Variants in COL6A6 observed in about 807,000 individuals in gnomAD.
COL6A6 encodes collagen type VI alpha 6 chain.
COL6A6 carries 183 observed loss-of-function variants against 208.6 expected under a neutral mutation model. That is an observed-to-expected ratio of 0.88 (90% CI 0.78 to 0.99). The LOEUF is 0.99. COL6A6 is among the 50% of genes least tolerant of loss of function. COL6A6 has a pLI of 0.00. For synonymous variants in COL6A6, 973 were observed against 1,011.8 expected (o/e 0.96, Z 0.73); for missense variants, 2,816 against 2,815.2 (o/e 1.00, Z -0.01).
chr3:130,549,801 A>G (rs190607473), intron 1 of COL6A6, among the ~76,000 whole-genome samples: 1 of 152,104 alleles, frequency 6.6e-6, no homozygotes, highest in Non-Finnish European at 1.5e-5. Context: ...GCCTTGTAGT[A>G]TAGTTTGAAG....
intron 17 of COL6A6, among the ~76,000 whole-genome samples, chr3:130,593,489 C>T (rs1241513055): frequency 6.6e-6 from 1 of 152,076 alleles, no homozygotes; most frequent in African/African-American, 2.4e-5. Context: ...TGTCACTTAC[C>T]CTCCTGGGAC....
At chr3:130,641,568 G>A in intron 28 of COL6A6, 84 bp from the exon 29 acceptor site, 1 of 628,484 alleles carries the variant, frequency 1.6e-6, no homozygotes, top group Non-Finnish European at 2.5e-6. Context: ...TTTCACCTTT[G>A]AATTTTAATT....
At chr3:130,618,854 G>A (rs564720396) in intron 23 of COL6A6, among the ~76,000 whole-genome samples, 1 of 152,112 alleles carries the variant, frequency 6.6e-6, no homozygotes, top group Non-Finnish European at 1.5e-5. Context: ...GTGTGTTTGA[G>A]GTAACTACAC....
intron 11 of COL6A6, among the ~76,000 whole-genome samples, chr3:130,588,443 TTAA>T (rs1324578169): frequency 6.6e-6 from 1 of 152,248 alleles, no homozygotes; most frequent in Non-Finnish European, 1.5e-5. Flanking sequence ...ATGACATTTA[TTAA>T]TGTTTTAAAA....
chr3:130,569,066 G>A (rs567397913), intron 6 of COL6A6, among the ~76,000 whole-genome samples: 1 of 152,280 alleles, frequency 6.6e-6, no homozygotes, highest in South Asian at 2.1e-4. Flanking sequence ...CTACCTTGAG[G>A]CGAGGGGCTC....
chr3:130,612,676 T>C (rs994737361), intron 23 of COL6A6, among the ~76,000 whole-genome samples: 1 of 152,102 alleles, frequency 6.6e-6, no homozygotes, highest in African/African-American at 2.4e-5. Context: ...GGGATGCCGC[T>C]GGATTAAAAA....
At position 130,635,897 on chromosome 3, in the gene COL6A6, G is replaced by C. The variant is rs954134298; in HGVS notation, c.5091+136G>C. 2.3e-5 allele frequency: 15 copies of C among 643,600 alleles called. No homozygotes were observed. The African/African-American group carries it at 2.7e-4, about 12-fold the overall frequency. 39.9% of individuals were successfully genotyped at this position (643,600 alleles called of 1,614,324 possible). ...ATGTGTTTTCTATTAAGGCAAACTT[G>C]GGGAAGGGGAATGGATAGTCATCTC... On this transcript the variant is annotated intron_variant, in intron 28 of 36. Transcript: ENST00000358511.
Position 130,574,524 on chromosome 3 carries a change from CAGTA to C in COL6A6, c.3547+4_3547+7del. On this transcript the variant is annotated splice_donor_variant and splice_donor_region_variant and coding_sequence_variant and intron_variant, in exon 8 of 37. Transcript: ENST00000358511. LOFTEE classifies it high-confidence loss of function. ...ACATCTGTACCACAGCGGGTGAAAG[CAGTA>C]AGTATTTAGCAAGTTCTTCATTCGA... The C allele has an allele frequency of 1.2e-6, 2 of 1,611,774 alleles. No individual in the cohort carries two copies. Among genetic ancestry groups the C allele is most frequent in the Non-Finnish European group, 1.7e-6 (2 of 1,178,308 alleles).
At chr3:130,586,829 ATACAG>A (rs1414300520) in intron 11 of COL6A6, among the ~76,000 whole-genome samples, 169 bp downstream of exon 11, 33 of 152,340 alleles carry the variant, frequency 2.2e-4, no homozygotes, top group African/African-American at 7.7e-4. Flanking sequence ...AAGAAATGTA[ATACAG>A]TAAAGAGATG....
chr3:130,587,379 A>G (rs968922240), intron 11 of COL6A6, among the ~76,000 whole-genome samples: 1 of 152,216 alleles, frequency 6.6e-6, no homozygotes, highest in African/African-American at 2.4e-5. Flanking sequence ...TCCCTGCCTC[A>G]GCCTCCCGAG....
intron 1 of COL6A6, among the ~76,000 whole-genome samples, chr3:130,525,062 A>G (rs1260020101): frequency 6.6e-6 from 1 of 152,200 alleles, no homozygotes; most frequent in African/African-American, 2.4e-5. Flanking sequence ...ACAACAACCC[A>G]TTATCCTGCT....
At chr3:130,569,754 G>A (rs1035471967) in intron 6 of COL6A6, among the ~76,000 whole-genome samples, 6 of 152,296 alleles carry the variant, frequency 3.9e-5, no homozygotes, top group South Asian at 4.1e-4. Context: ...CAAAGACCAC[G>A]GGGACATAGT....
intron 1 of COL6A6, among the ~76,000 whole-genome samples, chr3:130,522,685 C>T (rs941168823): frequency 6.6e-6 from 1 of 152,114 alleles, no homozygotes; most frequent in African/African-American, 2.4e-5. Flanking sequence ...CCCAAACCCT[C>T]CCCTCTTCCT....
At chr3:130,627,040 TTTG>T (rs930715396) in intron 25 of COL6A6, among the ~76,000 whole-genome samples, 1 of 152,190 alleles carries the variant, frequency 6.6e-6, no homozygotes, top group Non-Finnish European at 1.5e-5. Flanking sequence ...TGCCTGATTT[TTTG>T]TTCATTTAAT....
intron 7 of COL6A6, among the ~76,000 whole-genome samples, chr3:130,572,358 A>G (rs1367205097): frequency 6.6e-6 from 1 of 152,214 alleles, no homozygotes; most frequent in Non-Finnish European, 1.5e-5. Flanking sequence ...ATTGTTCTCT[A>G]CTTAGTTTCC....
At chr3:130,625,159 G>T (rs1416907195) in intron 24 of COL6A6, among the ~76,000 whole-genome samples, 1 of 152,142 alleles carries the variant, frequency 6.6e-6, no homozygotes, top group African/African-American at 2.4e-5. Flanking sequence ...GGTCCCCACA[G>T]CACACTTTGA....
chr3:130,546,437 G>A (rs960810387), intron 1 of COL6A6, among the ~76,000 whole-genome samples: 1 of 152,188 alleles, frequency 6.6e-6, no homozygotes, highest in Non-Finnish European at 1.5e-5. Context: ...CCCAAAGAGT[G>A]AGCAGCAGCA....
rs377147588 is a variant in COL6A6, at chr3:130,521,900, GT to G, written c.-32+4504del. Among the ~76,000 whole-genome samples, 446 of 152,242 alleles carry G rather than the reference GT, an allele frequency of 2.9e-3. 3 individuals are homozygous for G. Among genetic ancestry groups the G allele is most frequent in the Non-Finnish European group, 2.6e-3 (177 of 68,018 alleles). On this transcript the variant is annotated intron_variant, in intron 1 of 36. Transcript: ENST00000358511. ...TGGAACCGAGCTCCAGCTGCTCATA[GT>G]GGTAACCTACCTGCTCATTAACATT... is the stretch of plus-strand genomic sequence containing the variant.
chr3:130,568,359 G>A lies in COL6A6; in HGVS notation c.2156G>A (p.Arg719Gln), dbSNP rs756106307. The A allele has an allele frequency of 1.1e-5, 17 of 1,613,828 alleles. No homozygotes were observed. The highest frequency in any genetic ancestry group is 2.7e-5 in the African/African-American group (2 of 74,888). Residue 719 changes from arginine to glutamine, a missense_variant, in exon 6 of 37, where the codon CGG becomes CAG. Physicochemically the swap from Arg to Gln is conservative, Grantham distance 43 (BLOSUM62 1). Transcript: ENST00000358511. ...TACTTCAGCCCCACCAAGGGCGCCC[G>A]GCCCAACATCAGAAAGTTTCTCATC... ...SQYFSPTKGARPNIRKFLILI... is the reference protein window; with the variant it reads ...SQYFSPTKGAQPNIRKFLILI...
Sources: allele counts gnomAD v4.1 joint callset (sites outside exome capture counted in the v4.1 genomes callset), GRCh38; gene constraint gnomAD v4.1.1; transcripts MANE v1.5; gene names NCBI Gene and HGNC (gene_info 2026-07-23, HGNC 2026-07-21).